BMP8B: variants seen among roughly 807,000 people sequenced by gnomAD.
BMP8B encodes bone morphogenetic protein 8 (osteogenic protein 2).
In BMP8B, 17 loss-of-function variants were observed where a neutral mutation model predicts 30.3. The observed-to-expected ratio is 0.56, with a 90% CI of 0.38 to 0.84. The LOEUF (loss-of-function observed/expected upper bound fraction) is 0.84. BMP8B is among the 40% of genes least tolerant of loss of function. The pLI is 0.00. For synonymous variants in BMP8B, 131 were observed against 214.7 expected, an observed-to-expected ratio of 0.61 and a Z score of 3.41; for missense variants, 253 against 494.6, an observed-to-expected ratio of 0.51 and a Z score of 4.63.
chr1:39,762,792 C>CT, intron 6 of BMP8B: 1 of 1,256,886 alleles, frequency 8.0e-7, no homozygotes, highest in Non-Finnish European at 1.1e-6. Flanking sequence ...TGCTGTGCCT[C>CT]TGAGCGCTGC....
In BMP8B at chr1:39,787,317, A is replaced by C. The variant is rs373022673; in HGVS notation, c.334+835T>G. Among the ~76,000 whole-genome samples, 15 of 152,344 alleles carry C rather than the reference A, an allele frequency of 9.8e-5. No homozygotes were observed. In the East Asian group the frequency reaches 2.7e-3, roughly 27 times the overall value. ...TGTGGTCCTTGGTTCCCCAGACCCC[A>C]GACTGTCACTAGCCACAGACAGGAG... On this transcript the variant is annotated intron_variant, in intron 1 of 6. Coordinates refer to ENST00000372827, the MANE Select transcript of BMP8B (RefSeq NM_001720.5).
At chr1:39,768,139 G>A (rs1410864527) in intron 3 of BMP8B, among the ~76,000 whole-genome samples, 5 of 151,428 alleles carry the variant, frequency 3.3e-5, no homozygotes, top group African/African-American at 9.7e-5. Flanking sequence ...AGATTCAGGA[G>A]GAAATGCCTC....
At chr1:39,776,668 C>G (rs1381637730) in intron 1 of BMP8B, among the ~76,000 whole-genome samples, 1 of 152,190 alleles carries the variant, frequency 6.6e-6, no homozygotes, top group East Asian at 1.9e-4. Context: ...CGTGCCTTGT[C>G]CCACAGCACC....
chr1:39,788,470 C>T lies in BMP8B; in HGVS notation c.16G>A (p.Gly6Ser). The stretch of plus-strand genomic sequence containing the variant: ...GCCAGGCCCAGGAGCCAGAGCGGGC[C>T]GGGGAGCGCGGTCATGGCAGGCCGG... MTALPGPLWLLGLALC... is the reference protein window; with the variant it reads MTALPSPLWLLGLALC... Residue 6 changes from glycine to serine, a missense_variant, in exon 1 of 7, where the codon GGC becomes AGC. By Grantham distance (56) the Gly-to-Ser change is moderately conservative. This residue lies in a region of BMP8B where 54 missense variants were observed against 70.8 expected (regional missense o/e 0.76). Coordinates refer to ENST00000372827, the MANE Select transcript of BMP8B (RefSeq NM_001720.5). This position sits in a 1 kb window ranked among gnomAD's most constrained non-coding sequence, Gnocchi z 5.8. The T allele has an allele frequency of 9.8e-7, 1 of 1,022,104 alleles. No individual in the cohort carries two copies. 63.3% of individuals were successfully genotyped at this position (1,022,104 alleles called of 1,614,324 possible). A position where few individuals can be genotyped will look rare whatever the true frequency, so the allele number is the denominator to read the frequency against.
chr1:39,771,295 C>T, intron 3 of BMP8B: 2 of 1,441,644 alleles, frequency 1.4e-6, no homozygotes, highest in Non-Finnish European at 1.8e-6. Flanking sequence ...TGGTGTGAGC[C>T]CTGCGTGCGC....
chr1:39,785,373 A>C (rs1249673755), intron 1 of BMP8B, among the ~76,000 whole-genome samples: 1 of 149,070 alleles, frequency 6.7e-6, no homozygotes, highest in African/African-American at 2.5e-5. Context: ...ACAGGCTGAT[A>C]TGGATGACAG....
intron 1 of BMP8B, among the ~76,000 whole-genome samples, chr1:39,787,555 C>T (rs182964771): frequency 1.3e-5 from 2 of 152,144 alleles, no homozygotes; most frequent in Admixed American, 1.3e-4. Flanking sequence ...ACACTCACCC[C>T]ATACCAGATC....
At chr1:39,786,617 G>T (rs969389905) in intron 1 of BMP8B, among the ~76,000 whole-genome samples, 1 of 152,122 alleles carries the variant, frequency 6.6e-6, no homozygotes, top group African/African-American at 2.4e-5. Flanking sequence ...GGCTCCCTGG[G>T]GACATTCTTG....
intron 3 of BMP8B, among the ~76,000 whole-genome samples, chr1:39,766,894 G>A (rs1161886949): frequency 4.0e-5 from 6 of 151,658 alleles, no homozygotes; most frequent in African/African-American, 1.5e-4. Context: ...CACCAGCCCG[G>A]GCACTGGAGT....
At chr1:39,760,763 G>A (rs116465011) in intron 6 of BMP8B, among the ~76,000 whole-genome samples, 195 bp from the exon 7 acceptor site, 1,949 of 152,252 alleles carry the variant, frequency 0.013, 50 homozygotes, top group African/African-American at 0.044. Flanking sequence ...GTAGTAACAC[G>A]CAGTGCCCAG....
rs1649736076 is a variant in BMP8B at position 39,768,224 on chromosome 1, GTGTC to G, written c.674-3411_674-3408del. Among the ~76,000 whole-genome samples the G allele has an allele frequency of 4.7e-5, 7 of 149,696 alleles. No homozygotes were observed. In the South Asian group the frequency reaches 1.5e-3, roughly 33 times the overall value. ...CTCCATCCCAGAGAGGAGGGCCTAA[GTGTC>G]TGGTGTGAATGATGCAGGAACAATT... On this transcript the variant is annotated intron_variant, in intron 3 of 6. Coordinates refer to ENST00000372827, the MANE Select transcript of BMP8B (RefSeq NM_001720.5).
intron 1 of BMP8B, 118 bp from the exon 2 acceptor site, chr1:39,775,156 G>A (rs1235267205): frequency 6.8e-7 from 1 of 1,471,390 alleles, no homozygotes; most frequent in African/African-American, 1.4e-5. Flanking sequence ...CGGACCCAGG[G>A]AGGCCTGGGT....
chr1:39,769,829 T>A, intron 3 of BMP8B: 1 of 1,613,406 alleles, frequency 6.2e-7, no homozygotes, highest in Non-Finnish European at 8.5e-7. Context: ...TTTCTTCCTG[T>A]GCACGTCAAA....
chr1:39,763,736 G>C lies in BMP8B; in HGVS notation c.924C>G (p.Val308=). 6.2e-7 allele frequency: 1 copy of C among 1,603,246 alleles called. No individual in the cohort carries two copies. The highest frequency in any genetic ancestry group is 1.1e-5 in the South Asian group (1 of 90,614). ...RQVCRRHELY[V]SFQDLGWLDW... is the part of the protein sequence containing the mutation. ...CCAGCCAGCCGAGGTCCTGGAAGCT[G>C]ACGTAGAGCTCGTGCCGACGGCAGA... Residue 308 remains valine (V), a synonymous_variant, in exon 5 of 7, where the codon GTC becomes GTG. Transcript: ENST00000372827.
chr1:39,788,336 C>G lies in BMP8B; in HGVS notation c.150G>C (p.Ala50=). 8.3e-7 allele frequency: 1 copy of G among 1,209,490 alleles called. No individual in the cohort carries two copies. Among genetic ancestry groups the G allele is most frequent in the Non-Finnish European group, 1.0e-6 (1 of 977,906 alleles). 74.9% of individuals were successfully genotyped at this position (1,209,490 alleles called of 1,614,324 possible). A position where few individuals can be genotyped will look rare whatever the true frequency, so the allele number is the denominator to read the frequency against. Residue 50 remains alanine (A), a synonymous_variant, in exon 1 of 7, where the codon GCG becomes GCC. Transcript: ENST00000372827. The surrounding 1 kb of genome is among the most constrained non-coding windows in gnomAD (Gnocchi z 5.8). The part of the protein sequence containing the change: ...ERRDVQREIL[A]VLGLPGRPRP... ...GGGGCCGCCCAGGCAGCCCGAGCACCGCCAGGATCTCGCGCTGCACGTCCC... is the reference window on the plus strand; with the variant it reads ...GGGGCCGCCCAGGCAGCCCGAGCACGGCCAGGATCTCGCGCTGCACGTCCC...
intron 3 of BMP8B, chr1:39,769,707 G>T (rs1322998684): frequency 1.2e-6 from 2 of 1,609,148 alleles, no homozygotes; most frequent in Admixed American, 3.3e-5. Context: ...TCCCGTCAGG[G>T]TGCCACCTGC....
chr1:39,762,613 C>A, intron 6 of BMP8B: 1 of 1,549,546 alleles, frequency 6.5e-7, no homozygotes, highest in Non-Finnish European at 8.7e-7. Flanking sequence ...GGTTGAGAGC[C>A]ACACCATCTA....
chr1:39,781,736 T>G (rs936897644), intron 1 of BMP8B, among the ~76,000 whole-genome samples: 1 of 152,210 alleles, frequency 6.6e-6, no homozygotes, highest in Non-Finnish European at 1.5e-5. Flanking sequence ...CTGGTGGCCC[T>G]TTAGAGCTGT....
chr1:39,768,084 A>G (rs2261149), intron 3 of BMP8B, among the ~76,000 whole-genome samples: 72 of 145,328 alleles, frequency 5.0e-4, no homozygotes, highest in Non-Finnish European at 7.1e-4. Flanking sequence ...GCGTGCATGC[A>G]CACACACACA....
Sources: allele counts gnomAD v4.1 joint callset (sites outside exome capture counted in the v4.1 genomes callset), GRCh38; gene constraint gnomAD v4.1.1; regional missense constraint gnomAD v4.1.1; non-coding constraint Gnocchi (gnomAD v3.1); transcripts MANE v1.5; gene names NCBI Gene and HGNC (gene_info 2026-07-23, HGNC 2026-07-21).